Variants in ERBB4 observed in about 807,000 individuals in gnomAD.
ERBB4 encodes the protein receptor tyrosine-protein kinase erbB-4.
In ERBB4, 42 loss-of-function variants were observed where a neutral mutation model predicts 158.0. That is an observed-to-expected ratio of 0.27 (90% confidence interval 0.21 to 0.34). The LOEUF (loss-of-function observed/expected upper bound fraction) is 0.34, where lower values mean the gene tolerates loss of function less well. Ranked by LOEUF, ERBB4 falls within the 10% of genes least tolerant of loss-of-function variation. The pLI is 1.00. For synonymous variants in ERBB4, 583 were observed against 558.7 expected (o/e 1.04, Z -0.61); for missense variants, 1,333 against 1,624.1 (o/e 0.82, Z 3.08).
chr2:211,940,010 G>T (rs192607140), intron 3 of ERBB4, among the ~76,000 whole-genome samples: 117 of 146,858 alleles, frequency 8.0e-4, no homozygotes, highest in Admixed American at 3.2e-3. Context: ...GATAGATAGA[G>T]ATAGATATAG....
chr2:211,440,436 G>A (rs1466533448), intron 20 of ERBB4, among the ~76,000 whole-genome samples: 1 of 152,162 alleles, frequency 6.6e-6, no homozygotes, highest in Admixed American at 6.6e-5. Flanking sequence ...AATAGAAGCT[G>A]AGCCTTTCTC....
At chr2:212,428,226 T>G (rs1026001825) in intron 1 of ERBB4, among the ~76,000 whole-genome samples, 1 of 152,174 alleles carries the variant, frequency 6.6e-6, no homozygotes, top group African/African-American at 2.4e-5. Flanking sequence ...TAGAAAATAC[T>G]TTTTCTTATA....
At chr2:212,220,699 A>G (rs1433184225) in intron 1 of ERBB4, among the ~76,000 whole-genome samples, 2 of 151,384 alleles carry the variant, frequency 1.3e-5, no homozygotes, top group African/African-American at 4.8e-5. Context: ...CCTCCCTGCT[A>G]TATTCAATTA....
chr2:211,596,167 A>T (rs2068623941), intron 19 of ERBB4, among the ~76,000 whole-genome samples: 1 of 152,178 alleles, frequency 6.6e-6, no homozygotes, highest in South Asian at 2.1e-4. Flanking sequence ...ATGTTATATA[A>T]GATGTCATTT....
At chr2:211,578,664 T>C (rs1255593185) in intron 19 of ERBB4, among the ~76,000 whole-genome samples, 1 of 152,128 alleles carries the variant, frequency 6.6e-6, no homozygotes, top group African/African-American at 2.4e-5. Flanking sequence ...TCTACAGTCA[T>C]CTGATTTTTT....
intron 2 of ERBB4, among the ~76,000 whole-genome samples, chr2:212,050,298 C>T (rs1575565360): frequency 6.6e-6 from 1 of 152,134 alleles, no homozygotes; most frequent in African/African-American, 2.4e-5. Flanking sequence ...TATCCATAAC[C>T]ACTTTCTGCA....
In ERBB4 at chr2:212,050,610, T is replaced by C. The variant is rs561959534; in HGVS notation, c.234+74142A>G. ...TGACGTTAATGCTGTTCTGCTGATA[T>C]TACTTCCAAAATAAAAAAGTAGTCG... On this transcript the variant is annotated intron_variant, in intron 2 of 27. Coordinates refer to ENST00000342788, the MANE Select transcript of ERBB4 (RefSeq NM_005235.3). Among the ~76,000 whole-genome samples the C allele has an allele frequency of 6.0e-4, 91 of 152,258 alleles. 1 individual carries two copies. Among genetic ancestry groups the C allele is most frequent in the African/African-American group, 2.0e-3 (85 of 41,552 alleles).
intron 1 of ERBB4, among the ~76,000 whole-genome samples, chr2:212,224,235 C>A (rs1239751277): frequency 6.6e-6 from 1 of 151,836 alleles, no homozygotes; most frequent in Non-Finnish European, 1.5e-5. Context: ...ATATGAACTT[C>A]ATTGTTCCAA....
At chr2:212,124,585 T>G (rs1455332193) in intron 2 of ERBB4, 167 bp downstream of exon 2, 12 of 705,434 alleles carry the variant, frequency 1.7e-5, no homozygotes, top group Middle Eastern at 3.9e-4. Context: ...TTTGTTACTC[T>G]TGTTCTTTTC....
chr2:211,456,015 T>C (rs1385036891), intron 20 of ERBB4, among the ~76,000 whole-genome samples: 1 of 152,240 alleles, frequency 6.6e-6, no homozygotes, highest in Non-Finnish European at 1.5e-5. Context: ...TAGTATCACA[T>C]ACTGACATAC....
chr2:211,904,362 C>A (rs977165740), intron 3 of ERBB4, among the ~76,000 whole-genome samples: 1 of 152,088 alleles, frequency 6.6e-6, no homozygotes. Context: ...CAATTTCTAA[C>A]AATCCAAGAT....
At chr2:211,480,895 A>G (rs1034737045) in intron 20 of ERBB4, among the ~76,000 whole-genome samples, 1 of 152,190 alleles carries the variant, frequency 6.6e-6, no homozygotes, top group African/African-American at 2.4e-5. Context: ...ACTAGTTTTT[A>G]TTTGAATCAG....
At chr2:211,620,427 C>T (rs1354240334) in intron 18 of ERBB4, among the ~76,000 whole-genome samples, 1 of 152,132 alleles carries the variant, frequency 6.6e-6, no homozygotes, top group African/African-American at 2.4e-5. Context: ...TTTTATGCTA[C>T]AACATATGTA....
intron 12 of ERBB4, among the ~76,000 whole-genome samples, chr2:211,701,412 G>T (rs991986582): frequency 9.9e-5 from 15 of 152,074 alleles, no homozygotes; most frequent in Admixed American, 2.6e-4. Context: ...TAAATGCCCA[G>T]GTCTTACTTA....
chr2:211,531,325 G>A (rs1447115559), intron 20 of ERBB4, among the ~76,000 whole-genome samples: 1 of 152,054 alleles, frequency 6.6e-6, no homozygotes, highest in African/African-American at 2.4e-5. Flanking sequence ...GGGATCACAT[G>A]AAGTTAAAAA....
intron 3 of ERBB4, among the ~76,000 whole-genome samples, chr2:211,859,456 T>C (rs1292033636): frequency 6.6e-6 from 1 of 152,176 alleles, no homozygotes; most frequent in African/African-American, 2.4e-5. Context: ...ATATACCTAT[T>C]TTGTATTTTA....
At chr2:211,508,065 T>G (rs989939893) in intron 20 of ERBB4, among the ~76,000 whole-genome samples, 56 of 152,082 alleles carry the variant, frequency 3.7e-4, no homozygotes, top group Admixed American at 3.7e-3. Flanking sequence ...ATTCAGGACA[T>G]AGGCATGGGC....
intron 5 of ERBB4, among the ~76,000 whole-genome samples, chr2:211,726,570 C>T (rs2074276573): frequency 6.6e-6 from 1 of 152,150 alleles, no homozygotes; most frequent in Non-Finnish European, 1.5e-5. Context: ...ATCACTTCTC[C>T]TACCTAATAA....
intron 3 of ERBB4, among the ~76,000 whole-genome samples, chr2:211,816,822 T>TAGC (rs2076889791): frequency 6.6e-6 from 1 of 152,146 alleles, no homozygotes; most frequent in African/African-American, 2.4e-5. Context: ...ATTCAGTACT[T>TAGC]AGCATTCACT....
Sources: gnomAD v4.1 joint callset for allele counts (sites outside exome capture counted in the v4.1 genomes callset) on GRCh38, gnomAD v4.1.1 for gene constraint, MANE v1.5 for transcripts, NCBI Gene and HGNC (gene_info 2026-07-23, HGNC 2026-07-21) for gene names.